PRKX: variants seen among roughly 807,000 people sequenced by gnomAD.
The protein encoded by PRKX is protein kinase cAMP-dependent X-linked catalytic subunit.
In PRKX, 12 loss-of-function variants were observed where a neutral mutation model predicts 22.0. That is an observed-to-expected ratio of 0.54 (90% confidence interval 0.35 to 0.88). The LOEUF (loss-of-function observed/expected upper bound fraction) is 0.88. Ranked by LOEUF, PRKX falls within the 40% of genes least tolerant of loss-of-function variation. PRKX has a pLI of 0.01. For synonymous variants in PRKX, 134 were observed against 137.7 expected (o/e 0.97, Z 0.19); for missense variants, 217 against 308.0 (o/e 0.70, Z 2.21).
intron 3 of PRKX, among the ~76,000 whole-genome samples, chrX:3,647,001 G>A (rs1344683247): frequency 2.7e-5 from 3 of 110,719 alleles, no homozygotes; most frequent in Non-Finnish European, 5.7e-5. Flanking sequence ...AAACAGACTC[G>A]ACATCTCAGG....
chrX:3,645,717 G>A (rs1293235373), intron 3 of PRKX, among the ~76,000 whole-genome samples: 4 of 111,664 alleles, frequency 3.6e-5, no homozygotes, highest in Non-Finnish European at 7.5e-5. Flanking sequence ...AGGATCACTT[G>A]AGCCTCAGAG....
intron 1 of PRKX, among the ~76,000 whole-genome samples, chrX:3,700,343 C>T (rs904582287): frequency 2.7e-5 from 3 of 111,825 alleles, no homozygotes; most frequent in African/African-American, 9.8e-5. Context: ...ATAAAGGAAA[C>T]CCTAAGCTGT....
chrX:3,679,739 T>C (rs1418498872), intron 1 of PRKX, among the ~76,000 whole-genome samples: 1 of 111,999 alleles, frequency 8.9e-6, no homozygotes. Flanking sequence ...TTCCCAAATA[T>C]ACCTGATCTA....
chrX:3,693,264 G>A (rs1433726987), intron 1 of PRKX, among the ~76,000 whole-genome samples: 1 of 111,623 alleles, frequency 9.0e-6, no homozygotes, highest in Non-Finnish European at 1.9e-5. Context: ...ATCTAACCTT[G>A]GTCAAGGGGT....
intron 2 of PRKX, among the ~76,000 whole-genome samples, chrX:3,660,745 T>C (rs1927577730): frequency 8.9e-6 from 1 of 111,824 alleles, no homozygotes; most frequent in Non-Finnish European, 1.9e-5. Context: ...CACAGGCATG[T>C]AGAATACGCA....
intron 1 of PRKX, 69 bp from the exon 2 acceptor site, chrX:3,674,835 C>T: frequency 8.8e-7 from 1 of 1,142,412 alleles, no homozygotes; most frequent in Non-Finnish European, 1.2e-6. Context: ...CACAGCCATG[C>T]AATCAGCGGG....
chrX:3,620,966 A>G (rs1316412270), intron 6 of PRKX, among the ~76,000 whole-genome samples: 3 of 111,502 alleles, frequency 2.7e-5, no homozygotes, highest in African/African-American at 9.8e-5. Context: ...TAAACAAAAT[A>G]ATGAGTAATA....
At chrX:3,674,522 A>T (rs1485522792) in intron 2 of PRKX, 76 bp downstream of exon 2, 18 of 1,096,779 alleles carry the variant, frequency 1.6e-5, no homozygotes, top group Non-Finnish European at 2.2e-5. Flanking sequence ...GTCTCGGCCC[A>T]CCCAGCTTCT....
At chrX:3,625,630 G>A (rs1270710458) in intron 5 of PRKX, among the ~76,000 whole-genome samples, 1 of 110,829 alleles carries the variant, frequency 9.0e-6, no homozygotes, top group East Asian at 2.8e-4. Flanking sequence ...GGAATGTAGT[G>A]GTGCGATCTC....
Position 3,605,809 on chromosome X carries a change from A to T in PRKX, c.*3160T>A, listed in dbSNP as rs1284968099. The T allele has an allele frequency of 8.9e-6, 1 of 112,012 alleles. No homozygotes were observed. The highest frequency in any genetic ancestry group is 1.9e-5 in the Non-Finnish European group (1 of 53,230). The allele number at this position is 112,012 out of a possible 1,213,427, so 9.2% of individuals were successfully genotyped here. A position where few individuals can be genotyped will look rare whatever the true frequency, so the allele number is the denominator to read the frequency against. Reference sequence around the variant, plus strand: ...GGCTGAACTGCATTTTGAGGGGATGAAGCGCGCAATCTTACCCCACTGCTG... The same window carrying T: ...GGCTGAACTGCATTTTGAGGGGATGTAGCGCGCAATCTTACCCCACTGCTG... On this transcript the variant is annotated 3_prime_UTR_variant, in exon 9 of 9. Coordinates refer to ENST00000262848, the MANE Select transcript of PRKX (RefSeq NM_005044.5).
chrX:3,709,183 C>CAAAAAAA lies in PRKX; in HGVS notation c.166+3898_166+3904dup, dbSNP rs35004174. On this transcript the variant is annotated intron_variant, in intron 1 of 8. Transcript: ENST00000262848. ...TGGGCAACAGAGTGAGACCCTGTCTCAAAAAAAAAAAAAAAAAAAAGCTGA... is the reference window on the plus strand; with the variant it reads ...TGGGCAACAGAGTGAGACCCTGTCTCAAAAAAAAAAAAAAAAAAAAAAAAAAAGCTGA... 6.3e-4 allele frequency among the ~76,000 whole-genome samples: 30 copies of CAAAAAAA among 47,607 alleles called. 1 individual carries two copies. The highest frequency in any genetic ancestry group is 2.3e-3 in the African/African-American group (29 of 12,578). The allele number at this position is 47,607 out of a possible 115,157, so 41.3% of individuals were successfully genotyped here. A position where few individuals can be genotyped will look rare whatever the true frequency, so the allele number is the denominator to read the frequency against.
intron 1 of PRKX, among the ~76,000 whole-genome samples, chrX:3,705,357 ACCT>A (rs1928660574): frequency 9.0e-6 from 1 of 111,151 alleles, no homozygotes; most frequent in African/African-American, 3.3e-5. Context: ...TAAAAGCCCC[ACCT>A]CCTAACACCA....
chrX:3,626,499 A>C lies in PRKX; in HGVS notation c.735T>G (p.Phe245Leu). The C allele has an allele frequency of 8.3e-6, 10 of 1,208,467 alleles. No homozygotes were observed. Among genetic ancestry groups the C allele is most frequent in the Non-Finnish European group, 1.1e-5 (10 of 892,365 alleles). The change falls in exon 5 of 9, where the codon TTT becomes TTG. Residue 245 changes from phenylalanine to leucine, a missense_variant. Coordinates refer to ENST00000262848, the MANE Select transcript of PRKX (RefSeq NM_005044.5). ...FEMLSGFPPF[F>L]DDNPFGIYQK... ...GATAAATGCCAAACGGGTTGTCATC[A>C]AAAAACGGAGGAAACCTGTTAGAAA...
chrX:3,681,832 G>A (rs1403119503), intron 1 of PRKX, among the ~76,000 whole-genome samples: 3 of 109,897 alleles, frequency 2.7e-5, no homozygotes, highest in Non-Finnish European at 5.7e-5. Flanking sequence ...CCTCTTGCCT[G>A]TGACTTTGGA....
chrX:3,615,708 A>C, intron 7 of PRKX, 107 bp downstream of exon 7: 2 of 654,224 alleles, frequency 3.1e-6, no homozygotes, highest in East Asian at 7.2e-5. Context: ...GTATTATATA[A>C]ATTAATCACA....
intron 2 of PRKX, among the ~76,000 whole-genome samples, chrX:3,665,169 CGTGCTTGTGTGTGT>C (rs1927698635): frequency 9.0e-6 from 1 of 111,310 alleles, no homozygotes; most frequent in South Asian, 3.7e-4. Context: ...TGTGTGTGTG[CGTGCTTGTGTGTGT>C]GCGTTTGTGT....
chrX:3,685,018 T>C (rs991314276), intron 1 of PRKX, among the ~76,000 whole-genome samples: 1 of 111,169 alleles, frequency 9.0e-6, no homozygotes, highest in African/African-American at 3.3e-5. Context: ...GGTTTAACCA[T>C]GTTGGCCAGG....
chrX:3,637,261 A>G (rs6641588), intron 4 of PRKX, among the ~76,000 whole-genome samples: 50,218 of 110,257 alleles, frequency 0.46, 8,987 homozygotes, highest in East Asian at 0.64. Context: ...GTTGTCTAAG[A>G]GGGGTGGACA....
At position 3,655,767 on chromosome X, in the gene PRKX, T is replaced by C. The variant is rs190712943; in HGVS notation, c.336-355A>G. On this transcript the variant is annotated intron_variant, in intron 2 of 8. Coordinates refer to ENST00000262848, the MANE Select transcript of PRKX (RefSeq NM_005044.5). ...ATAGATATATGTTAGCATATAGGTA[T>C]AGAAAGATGTTAATATGTAGTTATA... 2.0e-4 allele frequency among the ~76,000 whole-genome samples: 23 copies of C among 112,492 alleles called. 1 individual carries two copies. The East Asian group carries it at 5.8e-3, about 28-fold the overall frequency.
Sources: gnomAD v4.1 joint callset for allele counts (sites outside exome capture counted in the v4.1 genomes callset) on GRCh38, gnomAD v4.1.1 for gene constraint, MANE v1.5 for transcripts, NCBI Gene and HGNC (gene_info 2026-07-23, HGNC 2026-07-21) for gene names.